Variants in FBXO8 observed in about 807,000 individuals in gnomAD.
The protein encoded by FBXO8 is F-box only protein 8.
A neutral mutation model predicts 33.4 loss-of-function variants in FBXO8; 15 were observed. The ratio of observed to expected loss-of-function variants is 0.45; its 90% CI spans 0.30 to 0.69. The LOEUF is 0.69. Among genes scored for constraint, FBXO8 ranks in the 30% least tolerant of loss-of-function variants. The pLI, the probability that FBXO8 is intolerant of heterozygous loss-of-function variation, is 0.08. For missense variants in FBXO8, 274 were observed against 380.3 expected, an observed-to-expected ratio of 0.72 and a Z score of 2.32; for synonymous variants, 132 against 131.5, an observed-to-expected ratio of 1.00 and a Z score of -0.02.
At chr4:174,243,198 A>G (rs537799658) in intron 3 of FBXO8, among the ~76,000 whole-genome samples, 28 of 151,662 alleles carry the variant, frequency 1.8e-4, no homozygotes, top group Non-Finnish European at 3.6e-4. Flanking sequence ...TGAGAATTTT[A>G]TATCTAATCT....
chr4:174,250,726 T>A (rs1030964088), intron 3 of FBXO8, among the ~76,000 whole-genome samples: 19 of 152,140 alleles, frequency 1.2e-4, no homozygotes, highest in African/African-American at 4.6e-4. Flanking sequence ...TTGATGGATG[T>A]CTTACAATTG....
Position 174,265,966 on chromosome 4 carries a change from C to G in FBXO8, c.-8-2866G>C, listed in dbSNP as rs1736686444. 6.6e-6 allele frequency among the ~76,000 whole-genome samples: 1 copy of G among 152,080 alleles called. No individual in the cohort carries two copies. On this transcript the variant is annotated intron_variant, in intron 1 of 5. Transcript: ENST00000393674. This position sits in a 1 kb window ranked among gnomAD's most constrained non-coding sequence, Gnocchi z 4.7. ...TTTATTCTCTTTTGTTTTTGTACCA[C>G]TAAAGGTAAATTATCAAACATGGTA...
intron 4 of FBXO8, among the ~76,000 whole-genome samples, chr4:174,240,528 T>A (rs565652987): frequency 6.6e-6 from 1 of 151,832 alleles, no homozygotes; most frequent in African/African-American, 2.4e-5. Context: ...TCTTTAATAA[T>A]CAAAAGTAAA....
At chr4:174,280,365 C>G (rs1323696741) in intron 1 of FBXO8, among the ~76,000 whole-genome samples, 1 of 151,968 alleles carries the variant, frequency 6.6e-6, no homozygotes, top group Non-Finnish European at 1.5e-5. Context: ...AACTGGAACC[C>G]TTATGTATTG....
At position 174,256,182 on chromosome 4, in the gene FBXO8, G is replaced by A. The variant is rs1176297492; in HGVS notation, c.456+3517C>T. On this transcript the variant is annotated intron_variant, in intron 3 of 5. Transcript: ENST00000393674. This position sits in a 1 kb window ranked among gnomAD's most constrained non-coding sequence, Gnocchi z 4.6. ...CTTATTTTTATAATATTTTAATGAT[G>A]TTTGCTATCAAAATGTTAAGTACAA... 2 of 453,266 alleles carry A rather than the reference G, an allele frequency of 4.4e-6. No homozygotes were observed. The highest frequency in any genetic ancestry group is 8.8e-6 in the Non-Finnish European group (2 of 226,226). 28.1% of individuals were successfully genotyped at this position (453,266 alleles called of 1,614,324 possible).
chr4:174,276,204 T>G (rs1736956731), intron 1 of FBXO8, among the ~76,000 whole-genome samples: 1 of 152,194 alleles, frequency 6.6e-6, no homozygotes, highest in Non-Finnish European at 1.5e-5. Context: ...CAGTAATACT[T>G]TTATTACATA....
Position 174,278,402 on chromosome 4 carries a change from TAA to T in FBXO8, c.-9+5006_-9+5007del, listed in dbSNP as rs1445059742. Among the ~76,000 whole-genome samples the T allele has an allele frequency of 6.6e-6, 1 of 152,048 alleles. No individual in the cohort carries two copies. The highest frequency in any genetic ancestry group is 1.5e-5 in the Non-Finnish European group (1 of 67,936). ...TTTTTTTCCTGTTAATTTTATTCTA[TAA>T]AAAGTGTTACCAAAATGGCAACTAA... On this transcript the variant is annotated intron_variant, in intron 1 of 5. Transcript: ENST00000393674. The surrounding 1 kb of genome is among the most constrained non-coding windows in gnomAD (Gnocchi z 4.1).
rs75050475 is a variant in FBXO8 at position 174,245,100 on chromosome 4, A to G, written c.457-3882T>C. On this transcript the variant is annotated intron_variant, in intron 3 of 5. Transcript: ENST00000393674. The surrounding 1 kb of genome is among the most constrained non-coding windows in gnomAD (Gnocchi z 4.6). The stretch of plus-strand genomic sequence containing the variant: ...AAACACAAGGTGTGATATGCAAGGT[A>G]TTCAGTGATAGACACTGAGTAGTGT... Among the ~76,000 whole-genome samples the G allele has an allele frequency of 0.063, 9,595 of 151,902 alleles. 419 individuals carry two copies. The highest frequency in any genetic ancestry group is 0.21 in the South Asian group (1,022 of 4,816).
intron 3 of FBXO8, among the ~76,000 whole-genome samples, chr4:174,243,726 T>C (rs1011142952): frequency 6.6e-6 from 1 of 151,214 alleles, no homozygotes; most frequent in East Asian, 1.9e-4. Flanking sequence ...TATCAGTGAC[T>C]AGTCAGGACT....
rs1184584245 is a variant in FBXO8, at chr4:174,272,863, T to G, written c.-8-9763A>C. ...TTTACAAATAAGAGGCAAATGCACA[T>G]CATATGCCTCTAGATGTGATGCCCT... On this transcript the variant is annotated intron_variant, in intron 1 of 5. Coordinates refer to ENST00000393674, the MANE Select transcript of FBXO8 (RefSeq NM_012180.3). The surrounding 1 kb of genome is among the most constrained non-coding windows in gnomAD (Gnocchi z 4.7). Among the ~76,000 whole-genome samples, 1 of 152,096 alleles carries G rather than the reference T, an allele frequency of 6.6e-6. No individual in the cohort carries two copies. Among genetic ancestry groups the G allele is most frequent in the Non-Finnish European group, 1.5e-5 (1 of 68,022 alleles).
In FBXO8 at chr4:174,257,327, A is replaced by G. The variant is rs868383886; in HGVS notation, c.456+2372T>C. 7.9e-5 allele frequency among the ~76,000 whole-genome samples: 12 copies of G among 152,176 alleles called. No individual in the cohort carries two copies. The highest frequency in any genetic ancestry group is 2.9e-4 in the African/African-American group (12 of 41,462). ...AAAAATTGGCATTCCTTTAGCAAGG[A>G]AAGACTACTTACCATAATCAATATC... On this transcript the variant is annotated intron_variant, in intron 3 of 5. Coordinates refer to ENST00000393674, the MANE Select transcript of FBXO8 (RefSeq NM_012180.3). This position sits in a 1 kb window ranked among gnomAD's most constrained non-coding sequence, Gnocchi z 4.3.
At position 174,256,534 on chromosome 4, in the gene FBXO8, CATG is replaced by C. The variant is rs1736418981; in HGVS notation, c.456+3162_456+3164del. 6.6e-6 allele frequency among the ~76,000 whole-genome samples: 1 copy of C among 152,148 alleles called. No homozygotes were observed. The highest frequency in any genetic ancestry group is 2.4e-5 in the African/African-American group (1 of 41,424). On this transcript the variant is annotated intron_variant, in intron 3 of 5. Coordinates refer to ENST00000393674, the MANE Select transcript of FBXO8 (RefSeq NM_012180.3). This position sits in a 1 kb window ranked among gnomAD's most constrained non-coding sequence, Gnocchi z 4.6. Reference sequence around the variant, plus strand: ...TTTATTAGGATGGATCTTTCACTTACATGATTTCAATTTTGAATACTTGACTTG... The same window carrying C: ...TTTATTAGGATGGATCTTTCACTTACATTTCAATTTTGAATACTTGACTTG...
chr4:174,268,654 T>A (rs1211336069), intron 1 of FBXO8, among the ~76,000 whole-genome samples: 2 of 152,164 alleles, frequency 1.3e-5, no homozygotes, highest in Non-Finnish European at 2.9e-5. Context: ...GCCAGGATGG[T>A]CTCCATCTCC....
chr4:174,241,517 G>T lies in FBXO8; in HGVS notation c.457-299C>A, dbSNP rs1377282256. Among the ~76,000 whole-genome samples the T allele has an allele frequency of 1.3e-5, 2 of 151,430 alleles. No homozygotes were observed. Among genetic ancestry groups the T allele is most frequent in the African/African-American group, 4.8e-5 (2 of 41,346 alleles). On this transcript the variant is annotated intron_variant, in intron 3 of 5. Transcript: ENST00000393674. The surrounding 1 kb of genome is among the most constrained non-coding windows in gnomAD (Gnocchi z 4.2). Reference sequence around the variant, plus strand: ...GAAATACGGCCTAATTTGGGGAAGGGGGCTGCAGATGAAACCACAATACAG... The same window carrying T: ...GAAATACGGCCTAATTTGGGGAAGGTGGCTGCAGATGAAACCACAATACAG...
chr4:174,270,837 G>A lies in FBXO8; in HGVS notation c.-8-7737C>T, dbSNP rs1002088229. Among the ~76,000 whole-genome samples the A allele has an allele frequency of 2.0e-5, 3 of 151,966 alleles. No individual in the cohort carries two copies. Among genetic ancestry groups the A allele is most frequent in the African/African-American group, 4.8e-5 (2 of 41,380 alleles). ...CACCATGTTGGCCAGGATGGTCTAC[G>A]AACTCCTCACCTCAGGTGATCCGCC... On this transcript the variant is annotated intron_variant, in intron 1 of 5. Coordinates refer to ENST00000393674, the MANE Select transcript of FBXO8 (RefSeq NM_012180.3). The surrounding 1 kb of genome is among the most constrained non-coding windows in gnomAD (Gnocchi z 4.6).
Position 174,252,631 on chromosome 4 carries a change from G to GT in FBXO8, c.456+7067dup, listed in dbSNP as rs1736319720. 6.6e-6 allele frequency among the ~76,000 whole-genome samples: 1 copy of GT among 151,300 alleles called. No individual in the cohort carries two copies. Among genetic ancestry groups the GT allele is most frequent in the Non-Finnish European group, 1.5e-5 (1 of 67,794 alleles). ...ATGCCTAGAGGTGTACATGACACATGTACTTGTGCATGTGAGTGCATGCAC... is the reference window on the plus strand; with the variant it reads ...ATGCCTAGAGGTGTACATGACACATGTTACTTGTGCATGTGAGTGCATGCAC... On this transcript the variant is annotated intron_variant, in intron 3 of 5. Transcript: ENST00000393674. This position sits in a 1 kb window ranked among gnomAD's most constrained non-coding sequence, Gnocchi z 5.1.
Position 174,251,500 on chromosome 4 carries a change from G to A in FBXO8, c.456+8199C>T, listed in dbSNP as rs1736284548. 6.6e-6 allele frequency among the ~76,000 whole-genome samples: 1 copy of A among 152,068 alleles called. No individual in the cohort carries two copies. The highest frequency in any genetic ancestry group is 2.4e-5 in the African/African-American group (1 of 41,404). On this transcript the variant is annotated intron_variant, in intron 3 of 5. Transcript: ENST00000393674. The surrounding 1 kb of genome is among the most constrained non-coding windows in gnomAD (Gnocchi z 4.2). ...GGTGGCTGGGATAGAGTATGGTTAG[G>A]GTAAGGTGTAAACTAAAGTTGTCCT...
chr4:174,249,241 T>C, intron 3 of FBXO8, among the ~76,000 whole-genome samples: 1 of 152,016 alleles, frequency 6.6e-6, no homozygotes, highest in East Asian at 1.9e-4. Context: ...GTAATTATTA[T>C]CAAAAAAGTT....
At chr4:174,268,718 G>C (rs1268994465) in intron 1 of FBXO8, among the ~76,000 whole-genome samples, 6 of 152,204 alleles carry the variant, frequency 3.9e-5, no homozygotes, top group African/African-American at 7.2e-5. Context: ...TTACAGGCGT[G>C]AGCCACCGCG....
Sources: gnomAD v4.1 joint callset for allele counts (sites outside exome capture counted in the v4.1 genomes callset) on GRCh38, gnomAD v4.1.1 for gene constraint, Gnocchi (gnomAD v3.1) non-coding constraint, MANE v1.5 for transcripts, NCBI Gene and HGNC (gene_info 2026-07-23, HGNC 2026-07-21) for gene names.